The following ZMYM2 variants were observed in gnomAD, a reference collection of about 807,000 sequenced individuals.
ZMYM2 encodes zinc finger MYM-type protein 2.
Under a neutral mutation model 162.8 loss-of-function variants are expected in ZMYM2, and 56 were observed. That is an observed-to-expected ratio of 0.34 (90% CI 0.28 to 0.43). The LOEUF is 0.43. ZMYM2 is among the 20% of genes least tolerant of loss of function. The pLI is 1.00. For synonymous variants in ZMYM2, 510 were observed against 541.6 expected (o/e 0.94, Z 0.81); for missense variants, 1,275 against 1,621.8 (o/e 0.79, Z 3.67).
intron 6 of ZMYM2, among the ~76,000 whole-genome samples, chr13:20,011,102 T>G (rs1352090737): frequency 6.6e-6 from 1 of 152,224 alleles, no homozygotes; most frequent in Non-Finnish European, 1.5e-5. Context: ...ATTCTCTCTT[T>G]TAGCCTTTTG....
intron 2 of ZMYM2, among the ~76,000 whole-genome samples, chr13:19,962,074 T>TTGTATCTCA (rs1319168904): frequency 1.3e-5 from 2 of 152,216 alleles, no homozygotes; most frequent in Admixed American, 1.3e-4. Context: ...GGCTGGGCTT[T>TTGTATCTCA]TGTATCTCAT....
At chr13:19,962,677 A>T (rs1428197919) in intron 2 of ZMYM2, among the ~76,000 whole-genome samples, 1 of 150,750 alleles carries the variant, frequency 6.6e-6, no homozygotes, top group Non-Finnish European at 1.5e-5. Flanking sequence ...GGCATGCGCC[A>T]CTGTGCCTGA....
At chr13:19,912,700 T>C in the ZMYM2 span, among the ~76,000 whole-genome samples, 2 of 152,166 alleles carry the variant, frequency 1.3e-5, no homozygotes, top group African/African-American at 4.8e-5. Context: ...ACATTGATGG[T>C]ACCATGTTGA....
the ZMYM2 span, among the ~76,000 whole-genome samples, chr13:19,931,153 T>A: frequency 0.57 from 77,170 of 134,648 alleles, 22,257 homozygotes; most frequent in Admixed American, 0.62. Flanking sequence ...AAAAAAATAA[T>A]AATAATAATA....
intron 12 of ZMYM2, among the ~76,000 whole-genome samples, chr13:20,047,922 G>A (rs1012875488): frequency 3.3e-5 from 5 of 151,960 alleles, no homozygotes; most frequent in African/African-American, 7.2e-5. Flanking sequence ...GTTTCCAGGC[G>A]TAATGAAAAA....
chr13:19,898,792 T>A, the ZMYM2 span, among the ~76,000 whole-genome samples: 3 of 151,914 alleles, frequency 2.0e-5, no homozygotes, highest in African/African-American at 7.3e-5. Context: ...CCAGATGCAA[T>A]GGTGTGTAAC....
At chr13:19,974,143 G>A (rs1594104698) in intron 2 of ZMYM2, among the ~76,000 whole-genome samples, 2 of 152,130 alleles carry the variant, frequency 1.3e-5, no homozygotes, top group East Asian at 3.9e-4. Flanking sequence ...GTAGAAGAGG[G>A]TAAACAGTGA....
At position 20,026,720 on chromosome 13, in the gene ZMYM2, G is replaced by C. The variant is rs1260740425; in HGVS notation, c.1693G>C (p.Ala565Pro). Residue 565 changes from alanine (A) to proline (P), a missense_variant, in exon 8 of 25, where the codon GCT becomes CCT. Transcript: ENST00000610343. ...ATATATGGAGCCATATTGTTCAACTGCTTGTATGAACAGTCACAAGACAAA... is the reference window on the plus strand; with the variant it reads ...ATATATGGAGCCATATTGTTCAACTCCTTGTATGAACAGTCACAAGACAAA... ...NGYMEPYCSTACMNSHKTKYA... is the reference protein window; with the variant it reads ...NGYMEPYCSTPCMNSHKTKYA... 6.2e-7 allele frequency: 1 copy of C among 1,603,000 alleles called. No individual in the cohort carries two copies. The highest frequency in any genetic ancestry group is 8.5e-7 in the Non-Finnish European group (1 of 1,177,740).
At chr13:20,006,615 A>G (rs1950765031) in intron 6 of ZMYM2, 29 bp downstream of exon 6, 2 of 1,602,548 alleles carry the variant, frequency 1.2e-6, no homozygotes, top group African/African-American at 1.3e-5. Context: ...AAAATTGGGC[A>G]TTCTTTAGAA....
At chr13:19,984,254 A>G (rs1948964358) in intron 2 of ZMYM2, among the ~76,000 whole-genome samples, 1 of 152,192 alleles carries the variant, frequency 6.6e-6, no homozygotes, top group South Asian at 2.1e-4. Context: ...TTGTTTTTTC[A>G]TGACAACATC....
At chr13:19,952,930 A>AAG in the ZMYM2 span, among the ~76,000 whole-genome samples, 1 of 152,302 alleles carries the variant, frequency 6.6e-6, no homozygotes, top group South Asian at 2.1e-4. Context: ...TGAGACCTTT[A>AAG]AGAGATGTGA....
chr13:19,996,049 C>T (rs146063828), intron 3 of ZMYM2, among the ~76,000 whole-genome samples: 1 of 138,812 alleles, frequency 7.2e-6, no homozygotes, highest in East Asian at 2.2e-4. Flanking sequence ...CTCTCTCTCT[C>T]TTTAACCTCT....
At chr13:19,982,579 T>G (rs1326960308) in intron 2 of ZMYM2, among the ~76,000 whole-genome samples, 3 of 152,150 alleles carry the variant, frequency 2.0e-5, no homozygotes, top group Non-Finnish European at 4.4e-5. Flanking sequence ...CGTCATCCCC[T>G]TTGGAGAAGA....
the ZMYM2 span, among the ~76,000 whole-genome samples, chr13:19,896,123 C>G: frequency 6.7e-6 from 1 of 149,124 alleles, no homozygotes; most frequent in Non-Finnish European, 1.5e-5. Flanking sequence ...TATAAAAATA[C>G]CTTTGTGTCC....
the ZMYM2 span, among the ~76,000 whole-genome samples, chr13:19,917,108 G>A: frequency 6.6e-6 from 1 of 151,864 alleles, no homozygotes; most frequent in Non-Finnish European, 1.5e-5. Flanking sequence ...GACTACAGGC[G>A]CCCGCCACGA....
the ZMYM2 span, among the ~76,000 whole-genome samples, chr13:19,906,367 ATATATATATGTG>A: frequency 1.4e-5 from 2 of 140,810 alleles, no homozygotes; most frequent in South Asian, 2.2e-4. Flanking sequence ...ATATATATGT[ATATATATATGTG>A]TATATATATG....
chr13:20,083,745 G>C lies in ZMYM2; in HGVS notation c.3910G>C (p.Val1304Leu), dbSNP rs750013024. The C allele has an allele frequency of 6.2e-7, 1 of 1,603,250 alleles. No homozygotes were observed. The highest frequency in any genetic ancestry group is 1.1e-5 in the South Asian group (1 of 88,984). The change falls in exon 24 of 25, where the codon GTG becomes CTG. Residue 1304 changes from valine (V) to leucine (L), a missense_variant. This residue lies in a region of ZMYM2 where 103 missense variants were observed against 192.2 expected (regional missense o/e 0.54). Transcript: ENST00000610343. ...ENTANPSRCP[V>L]KMFECYLSKS... ...CACAGCCAATCCTTCCAGATGTCCT[G>C]TGAAAATGTTTGAATGCTACTTGTC... is the stretch of plus-strand genomic sequence containing the variant.
At chr13:19,988,725 G>C (rs1949374939) in intron 2 of ZMYM2, among the ~76,000 whole-genome samples, 1 of 152,142 alleles carries the variant, frequency 6.6e-6, no homozygotes, top group African/African-American at 2.4e-5. Context: ...GGAGGTTGCG[G>C]TGAGCAAGAT....
At chr13:19,988,627 C>CA (rs1384656165) in intron 2 of ZMYM2, among the ~76,000 whole-genome samples, 1 of 152,024 alleles carries the variant, frequency 6.6e-6, no homozygotes, top group African/African-American at 2.4e-5. Flanking sequence ...ACTGAAAACA[C>CA]AAAAAATTAG....
Sources: gnomAD v4.1 joint callset for allele counts (sites outside exome capture counted in the v4.1 genomes callset) on GRCh38, gnomAD v4.1.1 for gene constraint, gnomAD v4.1.1 regional missense constraint, MANE v1.5 for transcripts, NCBI Gene and HGNC (gene_info 2026-07-23, HGNC 2026-07-21) for gene names.